The following NOS1AP variants were observed in gnomAD, a reference collection of about 807,000 sequenced individuals.
The protein encoded by NOS1AP is nitric oxide synthase 1 adaptor protein, also known as carboxyl-terminal PDZ ligand of neuronal nitric oxide synthase protein.
Under a neutral mutation model 56.2 loss-of-function variants are expected in NOS1AP, and 21 were observed. That is an observed-to-expected ratio of 0.37 (90% CI 0.26 to 0.54). NOS1AP has a LOEUF of 0.54. Ranked by LOEUF, NOS1AP falls within the 20% of genes least tolerant of loss-of-function variation. The probability of loss-of-function intolerance (pLI) is 0.84; values close to 1 mark genes in which losing one functional copy is unlikely to be tolerated. For missense variants in NOS1AP, 522 were observed against 657.8 expected, an observed-to-expected ratio of 0.79 and a Z score of 2.26; for synonymous variants, 270 against 274.6, an observed-to-expected ratio of 0.98 and a Z score of 0.17.
intron 6 of NOS1AP, among the ~76,000 whole-genome samples, chr1:162,350,544 T>G (rs1171511208): frequency 1.3e-5 from 2 of 152,238 alleles, no homozygotes; most frequent in Admixed American, 6.5e-5. Flanking sequence ...GTTTCCTGGG[T>G]GAGACCCTGT....
chr1:162,193,621 T>C (rs889329686), intron 2 of NOS1AP, among the ~76,000 whole-genome samples: 3 of 152,058 alleles, frequency 2.0e-5, no homozygotes, highest in Non-Finnish European at 4.4e-5. Context: ...GCCAAGAGAC[T>C]CTAACTTCTC....
At chr1:162,326,929 C>G (rs2101787979) in intron 4 of NOS1AP, among the ~76,000 whole-genome samples, 1 of 152,168 alleles carries the variant, frequency 6.6e-6, no homozygotes, top group South Asian at 2.1e-4. Context: ...TAGTCAGGCC[C>G]CAAAAATGTG....
At chr1:162,262,068 A>G (rs1187626940) in intron 2 of NOS1AP, among the ~76,000 whole-genome samples, 1 of 152,180 alleles carries the variant, frequency 6.6e-6, no homozygotes, top group African/African-American at 2.4e-5. Flanking sequence ...ATGAGCAAAG[A>G]GCATTCCAGG....
intron 6 of NOS1AP, among the ~76,000 whole-genome samples, chr1:162,352,303 C>G (rs1398288207): frequency 6.6e-6 from 1 of 152,012 alleles, no homozygotes; most frequent in Non-Finnish European, 1.5e-5. Context: ...AGGTGACCCA[C>G]CCACCCCGGC....
intron 1 of NOS1AP, among the ~76,000 whole-genome samples, chr1:162,126,609 CTT>C (rs1648501942): frequency 6.6e-6 from 1 of 151,286 alleles, no homozygotes; most frequent in African/African-American, 2.4e-5. Flanking sequence ...ATATGGAATG[CTT>C]TCTGACTCTG....
At chr1:162,081,774 A>ATATTTTTTTTTTTTTTTTTTTTTTT in intron 1 of NOS1AP, among the ~76,000 whole-genome samples, 7 of 44,058 alleles carry the variant, frequency 1.6e-4, no homozygotes, top group African/African-American at 5.3e-4. Context: ...ATATATATAT[A>ATATTTTTTTTTTTTTTTTTTTTTTT]TTTTTTTTTT....
At chr1:162,261,486 GA>G (rs1417236963) in intron 2 of NOS1AP, among the ~76,000 whole-genome samples, 10 of 82 alleles carry the variant, frequency 0.12, 4 homozygotes, top group Non-Finnish European at 0.83. Context: ...GAGAGAGAGA[GA>G]GAGAGAGAGA....
intron 5 of NOS1AP, among the ~76,000 whole-genome samples, chr1:162,338,298 G>A (rs138563295): frequency 6.6e-6 from 1 of 152,254 alleles, no homozygotes; most frequent in Non-Finnish European, 1.5e-5. Flanking sequence ...AGAGCTGGTA[G>A]ACCATTAAAG....
chr1:162,096,498 A>G (rs1171233145), intron 1 of NOS1AP, among the ~76,000 whole-genome samples: 1 of 152,220 alleles, frequency 6.6e-6, no homozygotes, highest in Non-Finnish European at 1.5e-5. Context: ...GATTAAAGAA[A>G]AAATATGTAT....
In NOS1AP at chr1:162,156,977, G is replaced by A. The variant is rs527373327; in HGVS notation, c.177+2501G>A. ...AATATGAGTCATTACCCCAGCTGAG[G>A]AACCAAAGAACTGGGACATGGGACC... On this transcript the variant is annotated intron_variant, in intron 2 of 9. Coordinates refer to ENST00000361897, the MANE Select transcript of NOS1AP (RefSeq NM_014697.3). The A allele has an allele frequency of 6.5e-5, 10 of 154,158 alleles. 2 individuals are homozygous for A. Among genetic ancestry groups the A allele is most frequent in the African/African-American group, 2.2e-4 (9 of 41,594 alleles). The allele number at this position is 154,158 out of a possible 1,614,324, so 9.5% of individuals were successfully genotyped here. A position where few individuals can be genotyped will look rare whatever the true frequency, so the allele number is the denominator to read the frequency against.
intron 4 of NOS1AP, among the ~76,000 whole-genome samples, chr1:162,319,042 G>T (rs887575037): frequency 2.0e-5 from 3 of 152,144 alleles, no homozygotes; most frequent in East Asian, 1.9e-4. Flanking sequence ...CTGGACTCAG[G>T]GTTGGTTTGT....
chr1:162,152,029 G>A (rs10918769), intron 1 of NOS1AP, among the ~76,000 whole-genome samples: 68,002 of 151,994 alleles, frequency 0.45, 18,767 homozygotes, highest in Non-Finnish European at 0.61. Flanking sequence ...TCCAAAACTC[G>A]AAGCTGCCTC....
intron 2 of NOS1AP, among the ~76,000 whole-genome samples, chr1:162,195,243 A>G (rs1039434179): frequency 2.0e-5 from 3 of 152,210 alleles, no homozygotes; most frequent in Non-Finnish European, 4.4e-5. Flanking sequence ...ATTGATAATT[A>G]TTAATATTAA....
At chr1:162,213,789 C>T (rs1652451624) in intron 2 of NOS1AP, among the ~76,000 whole-genome samples, 1 of 152,190 alleles carries the variant, frequency 6.6e-6, no homozygotes, top group Non-Finnish European at 1.5e-5. Flanking sequence ...GAGAAGGCGC[C>T]GCCGCTCGTG....
chr1:162,333,540 G>A (rs2101796162), intron 5 of NOS1AP, among the ~76,000 whole-genome samples: 2 of 152,286 alleles, frequency 1.3e-5, no homozygotes, highest in Middle Eastern at 3.4e-3. Context: ...GTTATCCTGG[G>A]TGATTATTTG....
At chr1:162,118,262 C>T (rs1015386200) in intron 1 of NOS1AP, among the ~76,000 whole-genome samples, 6 of 152,164 alleles carry the variant, frequency 3.9e-5, no homozygotes, top group Non-Finnish European at 8.8e-5. Context: ...TCCACCCTCC[C>T]GCATCTAGTG....
intron 2 of NOS1AP, among the ~76,000 whole-genome samples, chr1:162,258,269 G>A (rs1360334670): frequency 6.6e-6 from 1 of 152,122 alleles, no homozygotes; most frequent in East Asian, 1.9e-4. Context: ...ACTTGTCTCT[G>A]AGCACCATGA....
chr1:162,184,505 G>A (rs1476597396), intron 2 of NOS1AP, among the ~76,000 whole-genome samples: 4 of 152,182 alleles, frequency 2.6e-5, no homozygotes, highest in African/African-American at 9.6e-5. Context: ...ACAACAGAGT[G>A]AAATGCACTA....
chr1:162,355,951 A>G (rs1020829794), intron 7 of NOS1AP, among the ~76,000 whole-genome samples: 1 of 152,210 alleles, frequency 6.6e-6, no homozygotes, highest in African/African-American at 2.4e-5. Context: ...TCAAATTCCA[A>G]CCTGAAGCCA....
Sources: allele counts gnomAD v4.1 joint callset (sites outside exome capture counted in the v4.1 genomes callset), GRCh38; gene constraint gnomAD v4.1.1; transcripts MANE v1.5; gene names NCBI Gene and HGNC (gene_info 2026-07-23, HGNC 2026-07-21).